The following PKP4 variants were observed in gnomAD, a reference collection of about 807,000 sequenced individuals.
PKP4 encodes plakophilin 4, also known as plakophilin-4.
In PKP4, 90 loss-of-function variants were observed where a neutral mutation model predicts 145.1. That is an observed-to-expected ratio of 0.62 (90% confidence interval 0.52 to 0.74). The LOEUF (loss-of-function observed/expected upper bound fraction) is 0.74, where lower values mean the gene tolerates loss of function less well. Ranked by LOEUF, PKP4 falls within the 30% of genes least tolerant of loss-of-function variation. The pLI is 0.00. For synonymous variants in PKP4, 563 were observed against 577.2 expected, an observed-to-expected ratio of 0.98 and a Z score of 0.35; for missense variants, 1,340 against 1,482.7, an observed-to-expected ratio of 0.90 and a Z score of 1.58.
At chr2:158,521,173 TG>T (rs1048861322) in intron 1 of PKP4, among the ~76,000 whole-genome samples, 26 of 152,022 alleles carry the variant, frequency 1.7e-4, no homozygotes, top group African/African-American at 6.3e-4. Flanking sequence ...TTCCAAGGAG[TG>T]GTTCCCATTT....
intron 2 of PKP4, among the ~76,000 whole-genome samples, chr2:158,533,998 C>CA (rs1368508245): frequency 1.3e-5 from 2 of 151,964 alleles, no homozygotes; most frequent in Non-Finnish European, 2.9e-5. Context: ...TTTAAAGCTC[C>CA]AGGGATGGTT....
In PKP4 at chr2:158,658,258, T is replaced by C. The variant is rs755032862; in HGVS notation, c.2037T>C (p.Asp679=). The C allele has an allele frequency of 1.9e-6, 3 of 1,607,434 alleles. No individual in the cohort carries two copies. The highest frequency in any genetic ancestry group is 1.3e-5 in the African/African-American group (1 of 74,936). The part of the protein sequence containing the change: ...SGWNNSSFDD[D]HKIKFQTSLV... The stretch of plus-strand genomic sequence containing the variant: ...GGAATAACTCTTCTTTTGATGATGA[T>C]CATAAAATTAAATTTCAGACTTCAC... Residue 679 remains aspartate (D), a synonymous_variant, in exon 12 of 22, where the codon GAT becomes GAC. Transcript: ENST00000389759.
intron 11 of PKP4, among the ~76,000 whole-genome samples, chr2:158,650,575 C>T (rs1328018914): frequency 2.0e-5 from 3 of 152,146 alleles, no homozygotes; most frequent in Non-Finnish European, 2.9e-5. Flanking sequence ...CAGGAATGGT[C>T]ACCTTCAACT....
chr2:158,552,259 C>G (rs1252379559), intron 2 of PKP4, among the ~76,000 whole-genome samples: 1 of 152,196 alleles, frequency 6.6e-6, no homozygotes, highest in Non-Finnish European at 1.5e-5. Context: ...ATGAGTACGT[C>G]CCAGCTTACA....
intron 1 of PKP4, among the ~76,000 whole-genome samples, chr2:158,530,504 C>CTTTTTTTT (rs869120223): frequency 3.6e-3 from 334 of 92,058 alleles, no homozygotes; most frequent in African/African-American, 5.4e-3. Context: ...CTCTTTCTTT[C>CTTTTTTTT]TTTTTTTTTT....
intron 1 of PKP4, among the ~76,000 whole-genome samples, chr2:158,523,412 G>C (rs1333463149): frequency 9.9e-6 from 1 of 101,010 alleles, no homozygotes; most frequent in Non-Finnish European, 2.1e-5. Context: ...CAGACCTGCA[G>C]CTGAGGGTCC....
intron 2 of PKP4, among the ~76,000 whole-genome samples, chr2:158,554,409 CAG>C (rs139290018): frequency 0.17 from 23,481 of 140,872 alleles, 2,064 homozygotes; most frequent in Middle Eastern, 0.29. Context: ...AGTATTCACT[CAG>C]AAATAATTAT....
chr2:158,673,074 A>G (rs999039428), intron 17 of PKP4, among the ~76,000 whole-genome samples: 2 of 152,170 alleles, frequency 1.3e-5, no homozygotes, highest in African/African-American at 2.4e-5. Context: ...GCAGCTCCCA[A>G]GGTGAATCCA....
chr2:158,491,311 A>C (rs1694901039), intron 1 of PKP4, among the ~76,000 whole-genome samples: 1 of 152,092 alleles, frequency 6.6e-6, no homozygotes, highest in Non-Finnish European at 1.5e-5. Context: ...CAGTACTCTT[A>C]CTTTGCCTGA....
At chr2:158,511,903 G>C (rs562955023) in intron 1 of PKP4, among the ~76,000 whole-genome samples, 1 of 152,058 alleles carries the variant, frequency 6.6e-6, no homozygotes, top group Non-Finnish European at 1.5e-5. Context: ...AAAAAATGCT[G>C]AGTAAACCAT....
At chr2:158,616,823 T>C (rs72940704) in intron 4 of PKP4, among the ~76,000 whole-genome samples, 39 of 152,362 alleles carry the variant, frequency 2.6e-4, no homozygotes, top group Non-Finnish European at 4.4e-4. Flanking sequence ...CTACAGACCC[T>C]GTTTCGTACA....
intron 17 of PKP4, among the ~76,000 whole-genome samples, chr2:158,671,160 T>C (rs938276096): frequency 5.9e-5 from 9 of 152,118 alleles, no homozygotes; most frequent in Non-Finnish European, 1.2e-4. Context: ...TCATAACAGG[T>C]GTTTGGTGAA....
At chr2:158,605,724 T>C (rs2050601973) in intron 4 of PKP4, among the ~76,000 whole-genome samples, 1 of 152,198 alleles carries the variant, frequency 6.6e-6, no homozygotes. Flanking sequence ...TGTGCATCTA[T>C]CACCACAATT....
At chr2:158,614,621 T>A (rs964382330) in intron 4 of PKP4, among the ~76,000 whole-genome samples, 6 of 152,200 alleles carry the variant, frequency 3.9e-5, no homozygotes, top group Admixed American at 3.9e-4. Context: ...ATAAGAATAT[T>A]AGATTTTGCC....
intron 21 of PKP4, chr2:158,678,910 C>T (rs1449209175): frequency 1.9e-6 from 1 of 527,822 alleles, no homozygotes; most frequent in African/African-American, 1.9e-5. Context: ...GTCTTTAGTT[C>T]ATGTCTTTTG....
chr2:158,590,761 C>T (rs191542562), intron 3 of PKP4, among the ~76,000 whole-genome samples: 52 of 152,166 alleles, frequency 3.4e-4, no homozygotes, highest in African/African-American at 7.5e-4. Context: ...GGTAGAACTT[C>T]GCAACCACTA....
At chr2:158,531,747 C>G (rs1328861055) in intron 1 of PKP4, among the ~76,000 whole-genome samples, 1 of 152,198 alleles carries the variant, frequency 6.6e-6, no homozygotes, top group Non-Finnish European at 1.5e-5. Flanking sequence ...TCTCATGTCT[C>G]AGGATCCTTC....
chr2:158,666,275 C>A (rs1342836852), intron 15 of PKP4, 138 bp from the exon 16 acceptor site: 2 of 726,308 alleles, frequency 2.8e-6, no homozygotes, highest in Non-Finnish European at 4.0e-6. Flanking sequence ...TTCACTGACA[C>A]CACAGATTTG....
At chr2:158,546,584 C>G (rs1042414230) in intron 2 of PKP4, among the ~76,000 whole-genome samples, 4 of 152,030 alleles carry the variant, frequency 2.6e-5, no homozygotes, top group African/African-American at 9.7e-5. Flanking sequence ...AGTAGGCAGC[C>G]CAAGAGAGGT....
Sources: allele counts gnomAD v4.1 joint callset (sites outside exome capture counted in the v4.1 genomes callset), GRCh38; gene constraint gnomAD v4.1.1; transcripts MANE v1.5; gene names NCBI Gene and HGNC (gene_info 2026-07-23, HGNC 2026-07-21).